The following CES4A variants were observed in gnomAD, a reference collection of about 807,000 sequenced individuals.
The protein encoded by CES4A is carboxylesterase 4A.
CES4A carries 48 observed loss-of-function variants against 65.4 expected under a neutral mutation model. That is an observed-to-expected ratio of 0.73 (90% CI 0.58 to 0.93). The LOEUF is 0.93. Among genes scored for constraint, CES4A ranks in the 40% least tolerant of loss-of-function variants. CES4A has a pLI of 0.00. For synonymous variants in CES4A, 247 were observed against 281.8 expected (o/e 0.88, Z 1.24); for missense variants, 685 against 728.5 (o/e 0.94, Z 0.69).
chr16:67,004,165 T>A, exon 9 of CES4A: 1 of 1,614,234 alleles, frequency 6.2e-7, no homozygotes, highest in Non-Finnish European at 8.5e-7. Flanking sequence ...GGGGAAGGTT[T>A]CATCTGTGCC....
chr16:66,990,225 A>AT (rs931574346), intron 1 of CES4A, among the ~76,000 whole-genome samples: 1 of 151,516 alleles, frequency 6.6e-6, no homozygotes. Flanking sequence ...TAATTTTTGT[A>AT]TTTTTTTAGT....
At chr16:67,004,374 G>T (rs1965589992) in intron 9 of CES4A, 150 bp downstream of exon 9, 1 of 806,226 alleles carries the variant, frequency 1.2e-6, no homozygotes, top group African/African-American at 1.7e-5. Flanking sequence ...GCCTCCTGTA[G>T]TCCCTGTACA....
chr16:66,988,837 C>T lies in CES4A; in HGVS notation c.58+7C>T. On this transcript the variant is annotated splice_region_variant and intron_variant, in intron 1 of 13. Transcript: ENST00000648724. ...ATGGCGCAGACGGCCTTGGGTAAGA[C>T]CCCCACCCCTTCCCGAGAGTGTCAG... 6.4e-7 allele frequency: 1 copy of T among 1,561,148 alleles called. No individual in the cohort carries two copies. The highest frequency in any genetic ancestry group is 8.7e-7 in the Non-Finnish European group (1 of 1,152,018).
chr16:66,994,684 A>G (rs1964683023), intron 1 of CES4A, among the ~76,000 whole-genome samples: 2 of 151,224 alleles, frequency 1.3e-5, no homozygotes, highest in South Asian at 4.2e-4. Flanking sequence ...TACTAAAAAT[A>G]CAAAATTAGC....
chr16:67,007,966 T>C (rs1965901216), intron 13 of CES4A: 1 of 152,130 alleles, frequency 6.6e-6, no homozygotes, highest in Non-Finnish European at 1.5e-5. Flanking sequence ...TTTGTATCTT[T>C]AGTAGAGACG....
chr16:67,004,213 C>T (rs1322245138), exon 9 of CES4A: 1 of 1,614,070 alleles, frequency 6.2e-7, no homozygotes, highest in Non-Finnish European at 8.5e-7. Flanking sequence ...ATTCAATTGG[C>T]TCTTGCCTTA....
intron 2 of CES4A, among the ~76,000 whole-genome samples, chr16:66,996,566 G>A (rs148947958): frequency 1.3e-5 from 2 of 152,284 alleles, no homozygotes; most frequent in Non-Finnish European, 1.5e-5. Context: ...TGGGCTTGGC[G>A]ATTTACCCAG....
chr16:67,000,892 G>C lies in CES4A; in HGVS notation c.438G>C (p.Val146=), dbSNP rs756368511. The C allele has an allele frequency of 6.2e-7, 1 of 1,610,254 alleles. No homozygotes were observed. Among genetic ancestry groups the C allele is most frequent in the Non-Finnish European group, 8.5e-7 (1 of 1,178,334 alleles). ...GGTTCCCGGGAGGCGCCTTCATCGT[G>C]GGCGCTGCTTCTTCGTACGAGGGCT... is the stretch of plus-strand genomic sequence containing the variant. Residue 146 remains valine (V), a synonymous_variant, in exon 4 of 14, where the codon GTG becomes GTC. Transcript: ENST00000648724. The surrounding 1 kb of genome is among the most constrained non-coding windows in gnomAD (Gnocchi z 4.2).
At position 67,003,165 on chromosome 16, in the gene CES4A, A is replaced by T; in HGVS notation, c.786A>T (p.Lys262Asn). 1.2e-6 allele frequency: 2 copies of T among 1,614,100 alleles called. No homozygotes were observed. Among genetic ancestry groups the T allele is most frequent in the Non-Finnish European group, 1.7e-6 (2 of 1,179,936 alleles). The change falls in exon 6 of 14, where the codon AAA becomes AAT. Residue 262 changes from lysine to asparagine, a missense_variant. Lys to Asn is a moderately conservative substitution (Grantham distance 94). Coordinates refer to ENST00000648724, the Ensembl canonical transcript of CES4A. The surrounding 1 kb of genome is among the most constrained non-coding windows in gnomAD (Gnocchi z 4.2). Reference sequence around the variant, plus strand: ...TTTTCATCACTAGTAACCCACTGAAAGTGGCCAAGGTGAGTGCCTCTCCTT... The same window carrying T: ...TTTTCATCACTAGTAACCCACTGAATGTGGCCAAGGTGAGTGCCTCTCCTT...
At chr16:66,994,144 G>T (rs981103516) in intron 1 of CES4A, among the ~76,000 whole-genome samples, 4 of 151,642 alleles carry the variant, frequency 2.6e-5, no homozygotes, top group African/African-American at 9.7e-5. Flanking sequence ...CAGACAAACA[G>T]AAATCAAAAT....
chr16:66,995,812 T>A, exon 2 of CES4A: 1 of 1,613,788 alleles, frequency 6.2e-7, no homozygotes, highest in Non-Finnish European at 8.5e-7. Context: ...TCAGAGATGC[T>A]ACCACCTACC....
chr16:66,988,738 C>T (rs1964145252), exon 1 of CES4A: 1 of 1,554,060 alleles, frequency 6.4e-7, no homozygotes, highest in East Asian at 2.4e-5. Context: ...ACAGTGTTGC[C>T]ATCACTCCTG....
rs1032345630 is a variant in CES4A, at chr16:67,006,523, C to T, written c.1444+4C>T. The T allele has an allele frequency of 6.5e-7, 1 of 1,538,268 alleles. No homozygotes were observed. Among genetic ancestry groups the T allele is most frequent in the African/African-American group, 1.4e-5 (1 of 73,046 alleles). Reference sequence around the variant, plus strand: ...TTTGGGGGCCCCTTCGCCACAGGTGCAAAGGTCCCACCTGATACCCCAACT... The same window carrying T: ...TTTGGGGGCCCCTTCGCCACAGGTGTAAAGGTCCCACCTGATACCCCAACT... On this transcript the variant is annotated splice_donor_region_variant and intron_variant, in intron 12 of 13. Transcript: ENST00000648724.
chr16:67,002,039 C>T (rs1441580425), intron 5 of CES4A, among the ~76,000 whole-genome samples: 3 of 152,230 alleles, frequency 2.0e-5, no homozygotes, highest in Non-Finnish European at 4.4e-5. Context: ...CCTTATGTGT[C>T]GTCATCCATG....
intron 1 of CES4A, among the ~76,000 whole-genome samples, chr16:66,994,658 G>T (rs1030176589): frequency 1.3e-5 from 2 of 151,306 alleles, no homozygotes; most frequent in East Asian, 4.0e-4. Flanking sequence ...TGGCTAGTAC[G>T]GTGAAACCCC....
intron 11 of CES4A, chr16:67,006,107 A>G: frequency 2.5e-6 from 1 of 394,446 alleles, no homozygotes; most frequent in Non-Finnish European, 4.7e-6. Context: ...GGTTCAGAAC[A>G]GGGAAAAGGA....
At chr16:67,006,866 G>C (rs745824582) in intron 13 of CES4A, 49 bp downstream of exon 13, 1 of 1,565,172 alleles carries the variant, frequency 6.4e-7, no homozygotes, top group Non-Finnish European at 8.8e-7. Flanking sequence ...CCCAGTGCTG[G>C]ACCTGAAGAA....
chr16:67,007,076 G>C (rs778143624), intron 13 of CES4A: 11 of 470,612 alleles, frequency 2.3e-5, no homozygotes, highest in Non-Finnish European at 3.8e-5. Context: ...CACTCTTTTG[G>C]GCCCAGCCCC....
rs1310801298 is a variant in CES4A at position 67,001,043 on chromosome 16, C to G, written c.536+53C>G. ...GCAGCTGTGGCCAGAGCGGCGGGGA[C>G]TGGGTGGGAAGGGAGGGGCGGGGCC... On this transcript the variant is annotated intron_variant, in intron 4 of 13. Transcript: ENST00000648724. The surrounding 1 kb of genome is among the most constrained non-coding windows in gnomAD (Gnocchi z 4.1). 5.9e-6 allele frequency: 4 copies of G among 677,292 alleles called. No individual in the cohort carries two copies. Among genetic ancestry groups the G allele is most frequent in the Non-Finnish European group, 8.0e-6 (4 of 497,326 alleles). The allele number at this position is 677,292 out of a possible 1,614,324, so 42.0% of individuals were successfully genotyped here.
Sources: allele counts gnomAD v4.1 joint callset (sites outside exome capture counted in the v4.1 genomes callset), GRCh38; gene constraint gnomAD v4.1.1; non-coding constraint Gnocchi (gnomAD v3.1); transcripts MANE v1.5; gene names NCBI Gene and HGNC (gene_info 2026-07-23, HGNC 2026-07-21).